The following SKOR2 variants were observed in gnomAD, a reference collection of about 807,000 sequenced individuals.
SKOR2 encodes SKI family transcriptional corepressor 2.
In SKOR2, 47 loss-of-function variants were observed where a neutral mutation model predicts 69.1. That is an observed-to-expected ratio of 0.68 (90% CI 0.54 to 0.87). The LOEUF is 0.87. Ranked by LOEUF, SKOR2 falls within the 40% of genes least tolerant of loss-of-function variation. The pLI is 0.00. For missense variants in SKOR2, 1,404 were observed against 1,472.2 expected (o/e 0.95, Z 0.76); for synonymous variants, 717 against 672.6 (o/e 1.07, Z -1.02).
chr18:47,209,942 T>A (rs2064123002), intron 8 of SKOR2, among the ~76,000 whole-genome samples: 1 of 151,826 alleles, frequency 6.6e-6, no homozygotes, highest in Non-Finnish European at 1.5e-5. Context: ...ATAAAAAAAA[T>A]TTGCTGGGCA....
chr18:47,230,808 G>T (rs2064194801), intron 5 of SKOR2, 127 bp downstream of exon 5: 1 of 883,246 alleles, frequency 1.1e-6, no homozygotes, highest in African/African-American at 1.7e-5. Context: ...TCCACCCAAT[G>T]GTCCATATAT....
At position 47,230,957 on chromosome 18, in the gene SKOR2, C is replaced by A. The variant is rs1054065525; in HGVS notation, c.2796G>T (p.Lys932Asn). Residue 932 changes from lysine to asparagine, a missense_variant, in exon 5 of 9, where the codon AAG (lysine) becomes AAT (asparagine). Transcript: ENST00000425639. ...TACCTTTCCCCATATTTTCTACATC[C>A]TTTTTCAGTGAATGAGGTGAGTTGG... ...QETNSPHSLK[K>N]DVENMGKEEL... 3.1e-5 allele frequency: 47 copies of A among 1,535,606 alleles called. No homozygotes were observed. In the Admixed American group the frequency reaches 9.0e-4, roughly 29 times the overall value.
chr18:47,245,503 A>G lies in SKOR2; in HGVS notation c.2672T>C (p.Phe891Ser), dbSNP rs1455043474. ...VIVSTKDDNS[F>S]SDKNKEHSFF... ...ATTTTTTTTTTTTTTTTTACCTGAAAAGCTGTTGTCATCCTTTGTAGATAC... is the reference window on the plus strand; with the variant it reads ...ATTTTTTTTTTTTTTTTTACCTGAAGAGCTGTTGTCATCCTTTGTAGATAC... The change falls in exon 3 of 9, where the codon TTT becomes TCT. Residue 891 changes from phenylalanine (F) to serine (S), a missense_variant. Coordinates refer to ENST00000425639, the MANE Select transcript of SKOR2 (RefSeq NM_001278063.4). 1.3e-6 allele frequency: 1 copy of G among 745,920 alleles called. No homozygotes were observed. Among genetic ancestry groups the G allele is most frequent in the Non-Finnish European group, 1.7e-6 (1 of 573,354 alleles). The allele number at this position is 745,920 out of a possible 1,614,324, so 46.2% of individuals were successfully genotyped here. A position where few individuals can be genotyped will look rare whatever the true frequency, so the allele number is the denominator to read the frequency against.
intron 4 of SKOR2, among the ~76,000 whole-genome samples, chr18:47,231,494 G>C (rs978549381): frequency 2.6e-5 from 4 of 152,056 alleles, no homozygotes; most frequent in African/African-American, 9.7e-5. Flanking sequence ...GCTTTGAGTT[G>C]TAAATGATAA....
At position 47,247,808 on chromosome 18, in the gene SKOR2, C is replaced by A; in HGVS notation, c.1376G>T (p.Arg459Leu). ...GAAGGGCGGATAGAAGGCGTCCTTG[C>A]GGCCCGCGGGCCAGAAGAGGCCGGA... ...GLSGLFWPAG[R>L]KDAFYPPFCM... Residue 459 changes from arginine to leucine, a missense_variant, in exon 2 of 9, where the codon CGC (arginine) becomes CTC (leucine). This residue lies in a region of SKOR2 where 1,266 missense variants were observed against 1,309.9 expected (regional missense o/e 0.97). Coordinates refer to ENST00000425639, the MANE Select transcript of SKOR2 (RefSeq NM_001278063.4). The surrounding 1 kb of genome is among the most constrained non-coding windows in gnomAD (Gnocchi z 6.6). The A allele has an allele frequency of 7.2e-7, 1 of 1,395,954 alleles. No individual in the cohort carries two copies. Among genetic ancestry groups the A allele is most frequent in the Non-Finnish European group, 9.2e-7 (1 of 1,082,560 alleles). The allele number at this position is 1,395,954 out of a possible 1,614,324, so 86.5% of individuals were successfully genotyped here. A position where few individuals can be genotyped will look rare whatever the true frequency, so the allele number is the denominator to read the frequency against.
intron 2 of SKOR2, among the ~76,000 whole-genome samples, chr18:47,246,219 C>A (rs1227310456): frequency 6.6e-6 from 1 of 152,162 alleles, no homozygotes; most frequent in East Asian, 1.9e-4. Flanking sequence ...TGTGGTCTTG[C>A]TCCTTTTAGG....
rs927081767 is a variant in SKOR2 at position 47,220,074 on chromosome 18, G to A, written c.2918-64C>T. 11 of 1,403,302 alleles carry A rather than the reference G, an allele frequency of 7.8e-6. No homozygotes were observed. The Admixed American group carries it at 1.5e-4, about 19-fold the overall frequency. 86.9% of individuals were successfully genotyped at this position (1,403,302 alleles called of 1,614,324 possible). A position where few individuals can be genotyped will look rare whatever the true frequency, so the allele number is the denominator to read the frequency against. On this transcript the variant is annotated intron_variant, in intron 6 of 8. Transcript: ENST00000425639. ...GTAAAATCTACTTTTAGTTTAGCTA[G>A]TAAAAACATTATTGACAGTCCCATG...
At chr18:47,218,217 T>C (rs2064150164) in intron 7 of SKOR2, among the ~76,000 whole-genome samples, 1 of 152,142 alleles carries the variant, frequency 6.6e-6, no homozygotes, top group Non-Finnish European at 1.5e-5. Context: ...CTAATGCCCA[T>C]TTTGCTATAC....
intron 7 of SKOR2, among the ~76,000 whole-genome samples, chr18:47,212,567 G>A (rs776262048): frequency 1.1e-4 from 16 of 152,182 alleles, no homozygotes; most frequent in Admixed American, 4.6e-4. Context: ...TTATTAGAAT[G>A]ATTTCTTTAT....
At chr18:47,227,620 T>C (rs1314768592) in intron 6 of SKOR2, among the ~76,000 whole-genome samples, 1 of 152,202 alleles carries the variant, frequency 6.6e-6, no homozygotes, top group African/African-American at 2.4e-5. Context: ...CGTAAGCCAC[T>C]GTGCCTGGCC....
intron 4 of SKOR2, among the ~76,000 whole-genome samples, chr18:47,236,624 CCATGTGAGGA>C (rs1176479411): frequency 2.6e-5 from 4 of 152,154 alleles, no homozygotes; most frequent in Non-Finnish European, 5.9e-5. Context: ...TACTTTTCCA[CCATGTGAGGA>C]CACAGCAAGA....
chr18:47,227,141 T>G lies in SKOR2; in HGVS notation c.2917+3318A>C, dbSNP rs1329598491. 2.6e-5 allele frequency among the ~76,000 whole-genome samples: 4 copies of G among 151,994 alleles called. No individual in the cohort carries two copies. The East Asian group carries it at 7.8e-4, about 30-fold the overall frequency. ...CCCAAATGTGGAGACTTGTTTCTTC[T>G]CCTCCATCTTCCTCCTTCTTCCTCC... On this transcript the variant is annotated intron_variant, in intron 6 of 8. Coordinates refer to ENST00000425639, the MANE Select transcript of SKOR2 (RefSeq NM_001278063.4).
chr18:47,218,352 G>T (rs2064150610), intron 7 of SKOR2, among the ~76,000 whole-genome samples: 2 of 151,976 alleles, frequency 1.3e-5, no homozygotes, highest in Admixed American at 1.3e-4. Flanking sequence ...CACTTTAGGA[G>T]GCCCAGGTGG....
chr18:47,211,310 G>GT (rs964160240), intron 8 of SKOR2, among the ~76,000 whole-genome samples: 15 of 152,160 alleles, frequency 9.9e-5, no homozygotes, highest in Non-Finnish European at 1.2e-4. Flanking sequence ...TGCGTCTGTG[G>GT]TTTTTTCCCC....
At chr18:47,214,497 A>G (rs1016895826) in intron 7 of SKOR2, among the ~76,000 whole-genome samples, 1 of 152,198 alleles carries the variant, frequency 6.6e-6, no homozygotes. Context: ...AAAAGCAAAA[A>G]GTAATGAGCT....
intron 7 of SKOR2, among the ~76,000 whole-genome samples, chr18:47,214,140 A>G (rs746708860): frequency 6.6e-6 from 1 of 152,210 alleles, no homozygotes; most frequent in Non-Finnish European, 1.5e-5. Context: ...CAGGAGAGAT[A>G]AGTTAAATCA....
intron 7 of SKOR2, among the ~76,000 whole-genome samples, chr18:47,215,156 T>C (rs1212660514): frequency 2.0e-5 from 3 of 152,100 alleles, no homozygotes; most frequent in African/African-American, 7.2e-5. Flanking sequence ...AGATCAATAA[T>C]TGGAAATGGA....
At chr18:47,243,845 T>C (rs1046450783) in intron 4 of SKOR2, among the ~76,000 whole-genome samples, 2 of 152,220 alleles carry the variant, frequency 1.3e-5, no homozygotes, top group African/African-American at 4.8e-5. Context: ...TTGTGTATTA[T>C]ATGTAGACTT....
chr18:47,245,481 T>TTTTTTTTC lies in SKOR2; in HGVS notation c.2677+16_2677+17insGAAAAAAA. 8.2e-7 allele frequency: 1 copy of TTTTTTTTC among 1,214,018 alleles called. No homozygotes were observed. Among genetic ancestry groups the TTTTTTTTC allele is most frequent in the South Asian group, 1.8e-5 (1 of 56,702 alleles). The allele number at this position is 1,214,018 out of a possible 1,614,324, so 75.2% of individuals were successfully genotyped here. On this transcript the variant is annotated intron_variant, in intron 3 of 8. Coordinates refer to ENST00000425639, the MANE Select transcript of SKOR2 (RefSeq NM_001278063.4). ...CAGGCAAGAAAAGTGGCAGCTGATTTTTTTTTTTTTTTTTACCTGAAAAGC... is the reference window on the plus strand; with the variant it reads ...CAGGCAAGAAAAGTGGCAGCTGATTTTTTTTTTCTTTTTTTTTTTTTTACCTGAAAAGC...
Sources: gnomAD v4.1 joint callset for allele counts (sites outside exome capture counted in the v4.1 genomes callset) on GRCh38, gnomAD v4.1.1 for gene constraint, gnomAD v4.1.1 regional missense constraint, Gnocchi (gnomAD v3.1) non-coding constraint, MANE v1.5 for transcripts, NCBI Gene and HGNC (gene_info 2026-07-23, HGNC 2026-07-21) for gene names.